PTPRD: variants seen among roughly 807,000 people sequenced by gnomAD.
PTPRD encodes the protein receptor-type tyrosine-protein phosphatase delta.
A neutral mutation model predicts 214.5 loss-of-function variants in PTPRD; 34 were observed. That is an observed-to-expected ratio of 0.16 (90% CI 0.12 to 0.21). The LOEUF (loss-of-function observed/expected upper bound fraction) is 0.21, where lower values mean the gene tolerates loss of function less well. Among genes scored for constraint, PTPRD ranks in the 10% least tolerant of loss-of-function variants. PTPRD has a pLI of 1.00. For missense variants in PTPRD, 2,545 were observed against 2,398.7 expected (o/e 1.06, Z -1.27); for synonymous variants, 1,128 against 845.7 (o/e 1.33, Z -5.79).
intron 3 of PTPRD, among the ~76,000 whole-genome samples, chr9:10,169,809 C>G (rs371302859): frequency 6.6e-6 from 1 of 151,974 alleles, no homozygotes; most frequent in Non-Finnish European, 1.5e-5. Context: ...AGTTTTCAAC[C>G]AAAAATTAGT....
intron 11 of PTPRD, among the ~76,000 whole-genome samples, chr9:8,825,400 A>G (rs1208718188): frequency 1.3e-5 from 2 of 152,220 alleles, no homozygotes; most frequent in Non-Finnish European, 2.9e-5. Context: ...GTAAATAACT[A>G]TATTGTCATA....
At chr9:8,888,038 A>T (rs1265093304) in intron 11 of PTPRD, among the ~76,000 whole-genome samples, 1 of 152,212 alleles carries the variant, frequency 6.6e-6, no homozygotes, top group African/African-American at 2.4e-5. Context: ...TGCGTTTTTC[A>T]ATGTGAAAAT....
chr9:9,911,511 T>C (rs1179462642), intron 5 of PTPRD, among the ~76,000 whole-genome samples: 1 of 147,328 alleles, frequency 6.8e-6, no homozygotes, highest in Non-Finnish European at 1.5e-5. Context: ...TAAATTACCA[T>C]ACACAGAGTT....
chr9:9,877,545 G>C (rs1177044875), intron 5 of PTPRD, among the ~76,000 whole-genome samples: 1 of 152,148 alleles, frequency 6.6e-6, no homozygotes, highest in Non-Finnish European at 1.5e-5. Context: ...TGAATCTTAG[G>C]TGAAAGGAGG....
chr9:8,669,828 G>A (rs1484743780), intron 12 of PTPRD, among the ~76,000 whole-genome samples: 1 of 152,288 alleles, frequency 6.6e-6, no homozygotes, highest in Admixed American at 6.5e-5. Context: ...ATAATGTAGA[G>A]CCTGTGAAGG....
intron 3 of PTPRD, among the ~76,000 whole-genome samples, chr9:10,091,463 A>C (rs963079318): frequency 1.3e-5 from 2 of 151,578 alleles, no homozygotes; most frequent in African/African-American, 2.4e-5. Flanking sequence ...TATGTCAAAA[A>C]TATAAAAATA....
intron 4 of PTPRD, among the ~76,000 whole-genome samples, chr9:9,945,213 C>G (rs1231014752): frequency 1.3e-5 from 2 of 151,926 alleles, no homozygotes; most frequent in Non-Finnish European, 2.9e-5. Flanking sequence ...TTGTAAGATG[C>G]CCGTTAGGCA....
intron 7 of PTPRD, among the ~76,000 whole-genome samples, chr9:9,725,322 T>C (rs1335867811): frequency 6.6e-6 from 1 of 151,974 alleles, no homozygotes; most frequent in Non-Finnish European, 1.5e-5. Flanking sequence ...AGCTTTTTTT[T>C]TTTTTGCCTG....
intron 21 of PTPRD, among the ~76,000 whole-genome samples, chr9:8,515,741 C>G (rs2097771025): frequency 6.6e-6 from 1 of 152,194 alleles, no homozygotes; most frequent in Non-Finnish European, 1.5e-5. Flanking sequence ...ATTTCCCTCA[C>G]AGCCTTCAAA....
At chr9:8,425,651 TTTTTG>T (rs1303323744) in intron 35 of PTPRD, among the ~76,000 whole-genome samples, 2 of 149,630 alleles carry the variant, frequency 1.3e-5, no homozygotes, top group African/African-American at 2.4e-5. Flanking sequence ...TAACAATTAT[TTTTTG>T]TTTTGTTTTT....
chr9:10,396,068 C>T, intron 2 of PTPRD, among the ~76,000 whole-genome samples: 1 of 151,800 alleles, frequency 6.6e-6, no homozygotes, highest in South Asian at 2.1e-4. Context: ...TTTTCAGTTC[C>T]AATCCTTCGT....
At chr9:9,007,884 T>C (rs1274176891) in intron 11 of PTPRD, among the ~76,000 whole-genome samples, 2 of 110,832 alleles carry the variant, frequency 1.8e-5, no homozygotes, top group African/African-American at 5.4e-5. Context: ...TTTAGAAAAG[T>C]GTTTTTTTTT....
chr9:8,667,874 G>T (rs2097200441), intron 12 of PTPRD, among the ~76,000 whole-genome samples: 1 of 152,058 alleles, frequency 6.6e-6, no homozygotes, highest in Non-Finnish European at 1.5e-5. Flanking sequence ...GGCAATTAAT[G>T]CAGTTTCAGT....
intron 8 of PTPRD, among the ~76,000 whole-genome samples, chr9:9,457,877 C>G (rs531398231): frequency 6.6e-6 from 1 of 152,182 alleles, no homozygotes; most frequent in East Asian, 1.9e-4. Flanking sequence ...TCCACTAACA[C>G]TATAAATTAT....
chr9:10,494,474 C>T (rs1050090562), intron 2 of PTPRD, among the ~76,000 whole-genome samples: 1 of 151,628 alleles, frequency 6.6e-6, no homozygotes, highest in Non-Finnish European at 1.5e-5. Context: ...TGCCTAGATG[C>T]TATTAGTCTC....
At chr9:8,656,509 G>T (rs1255757963) in intron 12 of PTPRD, among the ~76,000 whole-genome samples, 1 of 152,098 alleles carries the variant, frequency 6.6e-6, no homozygotes, top group Admixed American at 6.5e-5. Flanking sequence ...TCAGCTTCAG[G>T]ACCCTTTCCT....
chr9:8,678,449 ACT>A (rs2097482067), intron 12 of PTPRD, among the ~76,000 whole-genome samples: 1 of 152,030 alleles, frequency 6.6e-6, no homozygotes, highest in Non-Finnish European at 1.5e-5. Flanking sequence ...GAGAATCTAT[ACT>A]CTCTTGTCTC....
At chr9:10,112,369 C>T (rs904230907) in intron 3 of PTPRD, among the ~76,000 whole-genome samples, 1 of 152,130 alleles carries the variant, frequency 6.6e-6, no homozygotes, top group Non-Finnish European at 1.5e-5. Context: ...TTGCCAAAAA[C>T]AAATGGGCAT....
chr9:10,032,264 C>T (rs1159583565), intron 4 of PTPRD, among the ~76,000 whole-genome samples: 1 of 152,058 alleles, frequency 6.6e-6, no homozygotes, highest in Admixed American at 6.6e-5. Context: ...CATAGTGTAA[C>T]ATCTTGTAGC....
Sources: gnomAD v4.1 joint callset for allele counts (sites outside exome capture counted in the v4.1 genomes callset) on GRCh38, gnomAD v4.1.1 for gene constraint, MANE v1.5 for transcripts, NCBI Gene and HGNC (gene_info 2026-07-23, HGNC 2026-07-21) for gene names.